The following SLC4A5 variants were observed in gnomAD, a reference collection of about 807,000 sequenced individuals.
The protein encoded by SLC4A5 is electrogenic sodium bicarbonate cotransporter 4.
In SLC4A5, 96 loss-of-function variants were observed where a neutral mutation model predicts 120.4. That is an observed-to-expected ratio of 0.80 (90% CI 0.68 to 0.94). SLC4A5 has a LOEUF of 0.94. Ranked by LOEUF, SLC4A5 falls within the 40% of genes least tolerant of loss-of-function variation. The probability of loss-of-function intolerance (pLI) is 0.00; values close to 1 mark genes in which losing one functional copy is unlikely to be tolerated. For synonymous variants in SLC4A5, 550 were observed against 571.1 expected (o/e 0.96, Z 0.53); for missense variants, 1,259 against 1,459.5 (o/e 0.86, Z 2.24).
chr2:74,276,758 C>T (rs560949792), intron 8 of SLC4A5, among the ~76,000 whole-genome samples: 1 of 146,734 alleles, frequency 6.8e-6, no homozygotes, highest in Non-Finnish European at 1.5e-5. Flanking sequence ...AGCGAGTCCT[C>T]CCCATACCTC....
intron 17 of SLC4A5, among the ~76,000 whole-genome samples, chr2:74,249,833 C>T (rs1670736930): frequency 6.6e-6 from 1 of 152,178 alleles, no homozygotes; most frequent in Admixed American, 6.5e-5. Flanking sequence ...AATGGCTCTA[C>T]TTTGAAGGCC....
chr2:74,277,535 C>T (rs994577146), intron 8 of SLC4A5, among the ~76,000 whole-genome samples: 2 of 151,800 alleles, frequency 1.3e-5, no homozygotes, highest in East Asian at 3.9e-4. Context: ...GGTGACAGGG[C>T]GAGACTCCGT....
At chr2:74,224,866 C>A in exon 28 of SLC4A5, 1 of 1,613,338 alleles carries the variant, frequency 6.2e-7, no homozygotes, top group Non-Finnish European at 8.5e-7. Context: ...TCGTGGGCCC[C>A]TTTTTTTCTC....
At chr2:74,294,201 G>A (rs1199492002) in intron 7 of SLC4A5, among the ~76,000 whole-genome samples, 3 of 152,164 alleles carry the variant, frequency 2.0e-5, no homozygotes, top group Non-Finnish European at 2.9e-5. Flanking sequence ...AGATCCCTCC[G>A]TCTTTCCCAT....
At chr2:74,262,224 G>C (rs575121501) in exon 11 of SLC4A5, 1 of 1,613,594 alleles carries the variant, frequency 6.2e-7, no homozygotes, top group Non-Finnish European at 8.5e-7. Flanking sequence ...CTCCGGGCAG[G>C]ACTGCGATCT....
intron 7 of SLC4A5, 141 bp from the exon 8 acceptor site, chr2:74,286,043 T>C (rs1671972163): frequency 1.1e-6 from 1 of 939,026 alleles, no homozygotes; most frequent in South Asian, 1.9e-5. Flanking sequence ...TCCTGGGTGA[T>C]GCTGGCCTCC....
At chr2:74,223,163 C>T (rs1468730767) in intron 28 of SLC4A5, among the ~76,000 whole-genome samples, 1 of 152,048 alleles carries the variant, frequency 6.6e-6, no homozygotes, top group Non-Finnish European at 1.5e-5. Context: ...CACCCCCATA[C>T]CTGGCTAATT....
intron 5 of SLC4A5, among the ~76,000 whole-genome samples, chr2:74,317,480 G>A (rs765345682): frequency 6.6e-5 from 10 of 152,078 alleles, no homozygotes; most frequent in Middle Eastern, 3.2e-3. Context: ...GATGCAGAGC[G>A]GGCTGAACAC....
intron 11 of SLC4A5, among the ~76,000 whole-genome samples, chr2:74,259,902 C>T (rs1671081689): frequency 6.6e-6 from 1 of 152,204 alleles, no homozygotes; most frequent in African/African-American, 2.4e-5. Context: ...CTCTACTCCT[C>T]CACCCCAACG....
At chr2:74,291,913 G>T (rs1479793166) in intron 7 of SLC4A5, among the ~76,000 whole-genome samples, 5 of 152,186 alleles carry the variant, frequency 3.3e-5, no homozygotes, top group Non-Finnish European at 7.3e-5. Flanking sequence ...GCCACACCAA[G>T]TCAGGCCCTG....
At chr2:74,272,994 T>G (rs1159666990) in intron 8 of SLC4A5, among the ~76,000 whole-genome samples, 1 of 152,130 alleles carries the variant, frequency 6.6e-6, no homozygotes, top group Non-Finnish European at 1.5e-5. Context: ...TGGGCTAGAG[T>G]AAGTATCAGC....
rs149386644 is a variant in SLC4A5 at position 74,327,597 on chromosome 2, C to T, written c.-3+523G>A. 7.9e-4 allele frequency among the ~76,000 whole-genome samples: 120 copies of T among 152,288 alleles called. 1 individual carries two copies. The highest frequency in any genetic ancestry group is 2.7e-3 in the African/African-American group (111 of 41,564). On this transcript the variant is annotated intron_variant, in intron 5 of 30. Coordinates refer to ENST00000394019, the Ensembl canonical transcript of SLC4A5. ...CAAAACCAGGTACCGTATCCAAAACCTAAAAACAAAAATGTGTAATGAAAG... is the reference window on the plus strand; with the variant it reads ...CAAAACCAGGTACCGTATCCAAAACTTAAAAACAAAAATGTGTAATGAAAG...
chr2:74,238,386 A>T (rs984358940), intron 21 of SLC4A5, among the ~76,000 whole-genome samples: 1 of 152,154 alleles, frequency 6.6e-6, no homozygotes, highest in Non-Finnish European at 1.5e-5. Flanking sequence ...ATTTAAGATG[A>T]TTCTAAAATT....
At chr2:74,248,415 G>A in exon 18 of SLC4A5, 1 of 1,614,216 alleles carries the variant, frequency 6.2e-7, no homozygotes, top group Admixed American at 1.7e-5. Flanking sequence ...TGAGAATGAT[G>A]AGAGGCTGTC....
intron 7 of SLC4A5, among the ~76,000 whole-genome samples, chr2:74,297,203 C>T (rs1321494231): frequency 6.6e-6 from 1 of 152,088 alleles, no homozygotes; most frequent in Non-Finnish European, 1.5e-5. Context: ...AAGATTTGGG[C>T]GTGGTGCTCT....
chr2:74,248,624 C>A, intron 17 of SLC4A5, 138 bp from the exon 18 acceptor site: 2 of 1,000,190 alleles, frequency 2.0e-6, no homozygotes, highest in South Asian at 1.7e-5. Flanking sequence ...TCCCTAAATC[C>A]TGTTCTCCAT....
chr2:74,256,029 A>G, intron 12 of SLC4A5, 97 bp from the exon 13 acceptor site: 2 of 1,348,814 alleles, frequency 1.5e-6, no homozygotes, highest in Non-Finnish European at 2.0e-6. Context: ...ACTTGAAAAA[A>G]ATTCTCCCAA....
At chr2:74,226,291 C>T (rs1694838726) in intron 27 of SLC4A5, among the ~76,000 whole-genome samples, 1 of 152,190 alleles carries the variant, frequency 6.6e-6, no homozygotes, top group Admixed American at 6.5e-5. Context: ...TTTCCCCAGG[C>T]ATTTGCTGAC....
chr2:74,252,513 G>A (rs1670826317), intron 15 of SLC4A5, 125 bp from the exon 16 acceptor site: 24 of 1,087,010 alleles, frequency 2.2e-5, no homozygotes, highest in Middle Eastern at 5.9e-4. Flanking sequence ...ATATCCACAC[G>A]CAGGTCACCT....
Sources: allele counts gnomAD v4.1 joint callset (sites outside exome capture counted in the v4.1 genomes callset), GRCh38; gene constraint gnomAD v4.1.1; transcripts MANE v1.5; gene names NCBI Gene and HGNC (gene_info 2026-07-23, HGNC 2026-07-21).